FSTL4: variants seen among roughly 807,000 people sequenced by gnomAD.
FSTL4 encodes follistatin like 4, also known as follistatin-related protein 4.
In FSTL4, 28 loss-of-function variants were observed where a neutral mutation model predicts 78.2. That is an observed-to-expected ratio of 0.36 (90% CI 0.27 to 0.49). FSTL4 has a LOEUF of 0.49. Ranked by LOEUF, FSTL4 falls within the 20% of genes least tolerant of loss-of-function variation. The pLI is 0.98. For missense variants in FSTL4, 922 were observed against 1,084.9 expected (o/e 0.85, Z 2.11); for synonymous variants, 422 against 440.5 (o/e 0.96, Z 0.53).
rs1488444287 is a variant in FSTL4 at position 133,199,914 on chromosome 5, T to C, written c.1827-117A>G. On this transcript the variant is annotated intron_variant, in intron 15 of 15. Transcript: ENST00000265342. The surrounding 1 kb of genome is among the most constrained non-coding windows in gnomAD (Gnocchi z 4.4). The stretch of plus-strand genomic sequence containing the variant: ...TTATTATAATCCTTCAGTGATCTAA[T>C]AGCCTAGTAATAAGATCTATCATTC... 1.1e-5 allele frequency: 7 copies of C among 615,112 alleles called. No homozygotes were observed. The highest frequency in any genetic ancestry group is 1.9e-5 in the African/African-American group (1 of 53,974). The allele number at this position is 615,112 out of a possible 1,614,324, so 38.1% of individuals were successfully genotyped here.
chr5:133,291,543 A>G (rs1406378858), intron 6 of FSTL4, among the ~76,000 whole-genome samples: 5 of 152,170 alleles, frequency 3.3e-5, no homozygotes, highest in Admixed American at 2.0e-4. Flanking sequence ...CTCTACCAAG[A>G]AAGTGTAAGG....
intron 6 of FSTL4, among the ~76,000 whole-genome samples, chr5:133,288,192 C>G (rs906599155): frequency 6.6e-6 from 1 of 152,254 alleles, no homozygotes; most frequent in Non-Finnish European, 1.5e-5. Flanking sequence ...AGCCCCACCT[C>G]TTACTAACTA....
chr5:133,509,424 G>A (rs891646222), intron 3 of FSTL4, among the ~76,000 whole-genome samples: 2 of 152,160 alleles, frequency 1.3e-5, no homozygotes, highest in African/African-American at 4.8e-5. Context: ...TTATCAGAGA[G>A]GAGCCTTTGT....
At chr5:133,401,105 G>T in intron 3 of FSTL4, 119 bp from the exon 4 acceptor site, 1 of 1,201,720 alleles carries the variant, frequency 8.3e-7, no homozygotes, top group Non-Finnish European at 1.2e-6. Flanking sequence ...AGCTACTCAA[G>T]GTGGGGCCTG....
intron 3 of FSTL4, among the ~76,000 whole-genome samples, chr5:133,401,648 AAG>A (rs1756225703): frequency 1.3e-5 from 2 of 152,304 alleles, no homozygotes; most frequent in African/African-American, 4.8e-5. Context: ...AGATCAGGCA[AAG>A]AGCATGGGAG....
rs1050679542 is a variant in FSTL4, at chr5:133,338,234, C to T, written c.410-21582G>A. Among the ~76,000 whole-genome samples the T allele has an allele frequency of 6.6e-6, 1 of 152,104 alleles. No homozygotes were observed. The highest frequency in any genetic ancestry group is 6.5e-5 in the Admixed American group (1 of 15,288). On this transcript the variant is annotated intron_variant, in intron 4 of 15. Coordinates refer to ENST00000265342, the MANE Select transcript of FSTL4 (RefSeq NM_015082.2). This position sits in a 1 kb window ranked among gnomAD's most constrained non-coding sequence, Gnocchi z 4.0. ...CCTGATGACCCCCCGGGTGTGTGCC[C>T]CTATTCCTGTCTGCTCCATGCTTAG...
chr5:133,646,690 T>C, the FSTL4 span, among the ~76,000 whole-genome samples: 1 of 152,010 alleles, frequency 6.6e-6, no homozygotes, highest in Non-Finnish European at 1.5e-5. Flanking sequence ...CAGGAATTGA[T>C]GGATATGGGA....
At chr5:133,687,576 A>T in the FSTL4 span, among the ~76,000 whole-genome samples, 1 of 152,192 alleles carries the variant, frequency 6.6e-6, no homozygotes, top group Non-Finnish European at 1.5e-5. Context: ...AGGGCTTTGG[A>T]AAGCCTTCCA....
chr5:133,622,923 A>G, the FSTL4 span, among the ~76,000 whole-genome samples: 1 of 151,998 alleles, frequency 6.6e-6, no homozygotes, highest in Non-Finnish European at 1.5e-5. Flanking sequence ...CAGACTTATC[A>G]TTTTTTCCCT....
rs376141407 is a variant in FSTL4 at position 133,448,418 on chromosome 5, G to A, written c.161-47432C>T. On this transcript the variant is annotated intron_variant, in intron 3 of 15. Transcript: ENST00000265342. ...CAGCCCAGAGTGCAGGTGTGTGGAC[G>A]GCTCTTTGTAACCCATCCCTTCCAG... Among the ~76,000 whole-genome samples the A allele has an allele frequency of 3.2e-4, 49 of 152,310 alleles. No individual in the cohort carries two copies. The South Asian group carries it at 9.5e-3, about 30-fold the overall frequency.
Position 133,220,767 on chromosome 5 carries a change from T to C in FSTL4, c.1439A>G (p.Glu480Gly), listed in dbSNP as rs1054412623. 19 of 1,596,264 alleles carry C rather than the reference T, an allele frequency of 1.2e-5. No homozygotes were observed. Among genetic ancestry groups the C allele is most frequent in the Admixed American group, 1.7e-5 (1 of 59,996 alleles). The change falls in exon 12 of 16, where the codon GAA (glutamate) becomes GGA (glycine). Residue 480 changes from glutamate to glycine, a missense_variant. Coordinates refer to ENST00000265342, the MANE Select transcript of FSTL4 (RefSeq NM_015082.2). The part of the protein sequence containing the change: ...CEIQRHLKPT[E>G]KIFMSYEEIC... ...ACTTACATAGCTCATGAAAATCTTTTCCGTGGGTTTGAGGTGCCTCTGGAT... is the reference window on the plus strand; with the variant it reads ...ACTTACATAGCTCATGAAAATCTTTCCCGTGGGTTTGAGGTGCCTCTGGAT...
chr5:133,623,741 A>T, the FSTL4 span, among the ~76,000 whole-genome samples: 1 of 152,070 alleles, frequency 6.6e-6, no homozygotes, highest in Non-Finnish European at 1.5e-5. Flanking sequence ...TTGCATATAT[A>T]TCTGATAAGG....
the FSTL4 span, among the ~76,000 whole-genome samples, chr5:133,692,190 A>C: frequency 6.6e-6 from 1 of 152,160 alleles, no homozygotes; most frequent in Admixed American, 6.5e-5. Flanking sequence ...TCCTATTGGC[A>C]GGAAGTGTTA....
chr5:133,767,969 C>T, the FSTL4 span, among the ~76,000 whole-genome samples: 1 of 152,010 alleles, frequency 6.6e-6, no homozygotes. Context: ...CAAGGCATGG[C>T]CAAGATTACT....
the FSTL4 span, among the ~76,000 whole-genome samples, chr5:133,730,796 G>C: frequency 6.6e-6 from 1 of 152,346 alleles, no homozygotes; most frequent in East Asian, 1.9e-4. Flanking sequence ...CAGCCCATCT[G>C]TCTGGCTTCT....
At chr5:133,235,634 C>T (rs570348747) in intron 7 of FSTL4, among the ~76,000 whole-genome samples, 2 of 151,564 alleles carry the variant, frequency 1.3e-5, no homozygotes, top group African/African-American at 4.8e-5. Context: ...CAGGGAGGGT[C>T]AGGATAAAAA....
chr5:133,789,895 A>G, the FSTL4 span, among the ~76,000 whole-genome samples: 1 of 152,166 alleles, frequency 6.6e-6, no homozygotes, highest in African/African-American at 2.4e-5. Context: ...CAGAGGCCCC[A>G]TCTCCACATA....
At chr5:133,271,384 A>C (rs1752760898) in intron 6 of FSTL4, among the ~76,000 whole-genome samples, 1 of 152,194 alleles carries the variant, frequency 6.6e-6, no homozygotes, top group Non-Finnish European at 1.5e-5. Flanking sequence ...TCATTTGAGA[A>C]GATGCCTCTG....
At chr5:133,667,934 T>C in the FSTL4 span, among the ~76,000 whole-genome samples, 1 of 152,212 alleles carries the variant, frequency 6.6e-6, no homozygotes, top group Non-Finnish European at 1.5e-5. Flanking sequence ...TGAATAAAAT[T>C]GCATTCAGTG....
Sources: gnomAD v4.1 joint callset for allele counts (sites outside exome capture counted in the v4.1 genomes callset) on GRCh38, gnomAD v4.1.1 for gene constraint, Gnocchi (gnomAD v3.1) non-coding constraint, MANE v1.5 for transcripts, NCBI Gene and HGNC (gene_info 2026-07-23, HGNC 2026-07-21) for gene names.